Variants in SLC30A4 observed in about 807,000 individuals in gnomAD.
SLC30A4 encodes probable proton-coupled zinc antiporter SLC30A4.
In SLC30A4, 20 loss-of-function variants were observed where a neutral mutation model predicts 41.7. The ratio of observed to expected loss-of-function variants is 0.48; its 90% CI spans 0.34 to 0.70. The LOEUF is 0.70. Ranked by LOEUF, SLC30A4 falls within the 30% of genes least tolerant of loss-of-function variation. The pLI, the probability that SLC30A4 is intolerant of heterozygous loss-of-function variation, is 0.01. For synonymous variants in SLC30A4, 181 were observed against 195.9 expected, an observed-to-expected ratio of 0.92 and a Z score of 0.64; for missense variants, 441 against 529.3, an observed-to-expected ratio of 0.83 and a Z score of 1.64.
At chr15:45,521,858 C>T in intron 2 of SLC30A4, 106 bp downstream of exon 2, 1 of 1,200,296 alleles carries the variant, frequency 8.3e-7, no homozygotes, top group Non-Finnish European at 1.2e-6. Flanking sequence ...TTGATAAATA[C>T]AAACTTCCTG....
chr15:45,507,478 G>A (rs149264929), intron 3 of SLC30A4, among the ~76,000 whole-genome samples: 1 of 150,162 alleles, frequency 6.7e-6, no homozygotes, highest in Admixed American at 6.7e-5. Flanking sequence ...CTTTTCTCCT[G>A]GTTCTGTTCT....
Position 45,487,597 on chromosome 15 carries a change from G to A in SLC30A4, c.930C>T (p.Tyr310=), listed in dbSNP as rs1392377170. The change falls in exon 6 of 8, where the codon TAC becomes TAT. Residue 310 remains tyrosine (Y), a synonymous_variant. Transcript: ENST00000261867. ...TAAAAGCCACAAGTAATGAAAATAC[G>A]TATGTACAGATGGGGTCAGCAATCT... is the stretch of plus-strand genomic sequence containing the variant. ...EYKIADPICT[Y]VFSLLVAFTT... is the part of the protein sequence containing the mutation. 10 of 1,579,874 alleles carry A rather than the reference G, an allele frequency of 6.3e-6. No individual in the cohort carries two copies. The highest frequency in any genetic ancestry group is 4.1e-5 in the African/African-American group (3 of 73,906).
At chr15:45,504,225 T>A (rs1892101769) in intron 3 of SLC30A4, among the ~76,000 whole-genome samples, 1 of 152,264 alleles carries the variant, frequency 6.6e-6, no homozygotes, top group African/African-American at 2.4e-5. Flanking sequence ...ACAACATCAC[T>A]GTTTTACCAT....
chr15:45,510,317 T>G (rs1233876866), intron 3 of SLC30A4, among the ~76,000 whole-genome samples: 1 of 151,934 alleles, frequency 6.6e-6, no homozygotes. Context: ...AAATCTACAG[T>G]CTAAGTTTTT....
intron 3 of SLC30A4, among the ~76,000 whole-genome samples, chr15:45,498,194 G>A (rs2140826737): frequency 6.6e-6 from 1 of 152,218 alleles, no homozygotes; most frequent in Admixed American, 6.5e-5. Flanking sequence ...GGGAAGGAGA[G>A]TGGAGCTATA....
At chr15:45,511,051 C>T (rs915794640) in intron 3 of SLC30A4, 87 bp downstream of exon 3, 17 of 1,019,808 alleles carry the variant, frequency 1.7e-5, no homozygotes, top group Non-Finnish European at 1.7e-5. Flanking sequence ...CAAGATATCA[C>T]TGGAACGAGT....
rs1291519620 is a variant in SLC30A4 at position 45,522,419 on chromosome 15, T to C, written c.-65A>G. Reference sequence around the variant, plus strand: ...GAGGCGGACGGCCGGCGGCGCCTACTTCACCGGAGCGCCAGTTCTCGAGGG... The same window carrying C: ...GAGGCGGACGGCCGGCGGCGCCTACCTCACCGGAGCGCCAGTTCTCGAGGG... On this transcript the variant is annotated 5_prime_UTR_variant, in exon 2 of 8. Transcript: ENST00000261867. 9 of 1,473,348 alleles carry C rather than the reference T, an allele frequency of 6.1e-6. No homozygotes were observed. Among genetic ancestry groups the C allele is most frequent in the South Asian group, 1.3e-5 (1 of 74,202 alleles). 91.3% of individuals were successfully genotyped at this position (1,473,348 alleles called of 1,614,324 possible). A position where few individuals can be genotyped will look rare whatever the true frequency, so the allele number is the denominator to read the frequency against.
chr15:45,498,425 A>ATTTTGCCCCT lies in SLC30A4; in HGVS notation c.539-7545_539-7544insAGGGGCAAAA, dbSNP rs1244392786. ...TATGATGCTCAAAGGGGCATTTCAG[A>ATTTTGCCCCT]TTTTGGATTAAGGATGCTCAACCTG... On this transcript the variant is annotated intron_variant, in intron 3 of 7. Transcript: ENST00000261867. Among the ~76,000 whole-genome samples, 15 of 152,276 alleles carry ATTTTGCCCCT rather than the reference A, an allele frequency of 9.9e-5. 1 individual carries two copies. The highest frequency in any genetic ancestry group is 2.9e-4 in the African/African-American group (12 of 41,570).
intron 2 of SLC30A4, chr15:45,515,800 A>G (rs549074852): frequency 1.4e-5 from 2 of 147,450 alleles, no homozygotes; most frequent in African/African-American, 5.0e-5. Flanking sequence ...CAGGCTGGAG[A>G]GCAATTGCAC....
intron 3 of SLC30A4, among the ~76,000 whole-genome samples, chr15:45,500,068 GTTAT>G (rs1397125303): frequency 2.6e-5 from 4 of 152,294 alleles, no homozygotes; most frequent in Non-Finnish European, 5.9e-5. Flanking sequence ...TTGAAAAACT[GTTAT>G]TTAATCATCA....
Position 45,488,885 on chromosome 15 carries a change from G to A in SLC30A4, c.850C>T (p.Gln284Ter). ...AFVHALGDLVQSVGVLIAAYI... is the reference protein window; with the variant it reads ...AFVHALGDLV ...GCAGCTATTAGCACACCAACACTCT[G>A]TACCAAATCTCCCAAAGCATGTACA... is the stretch of plus-strand genomic sequence containing the variant. Residue 284 changes from glutamine to a stop codon, truncating the protein, a stop_gained, in exon 5 of 8, where the codon CAG (glutamine) becomes TAG (stop). Transcript: ENST00000261867. LOFTEE classifies it high-confidence loss of function. 1 of 1,613,996 alleles carries A rather than the reference G, an allele frequency of 6.2e-7. No homozygotes were observed. Among genetic ancestry groups the A allele is most frequent in the Non-Finnish European group, 8.5e-7 (1 of 1,179,972 alleles).
Position 45,485,095 on chromosome 15 carries a change from T to C in SLC30A4, c.*68A>G, listed in dbSNP as rs539591897. 1.6e-6 allele frequency: 2 copies of C among 1,271,054 alleles called. No individual in the cohort carries two copies. The highest frequency in any genetic ancestry group is 3.0e-5 in the African/African-American group (2 of 65,938). The allele number at this position is 1,271,054 out of a possible 1,614,324, so 78.7% of individuals were successfully genotyped here. A position where few individuals can be genotyped will look rare whatever the true frequency, so the allele number is the denominator to read the frequency against. On this transcript the variant is annotated 3_prime_UTR_variant, in exon 8 of 8. Coordinates refer to ENST00000261867, the MANE Select transcript of SLC30A4 (RefSeq NM_013309.6). ...AGGGATTCCATTTTCTCATTTAGGT[T>C]TGCATTTATTGCTCTCAAGTCTGTG...
At chr15:45,490,939 C>T in intron 3 of SLC30A4, 58 bp from the exon 4 acceptor site, 1 of 1,136,398 alleles carries the variant, frequency 8.8e-7, no homozygotes, top group Non-Finnish European at 1.2e-6. Flanking sequence ...ACACTTCATA[C>T]CAACTAAATA....
chr15:45,488,232 G>A (rs1363333526), intron 5 of SLC30A4, among the ~76,000 whole-genome samples: 2 of 152,124 alleles, frequency 1.3e-5, no homozygotes, highest in Non-Finnish European at 2.9e-5. Flanking sequence ...TGGATTTTCA[G>A]TCCAGTGCAC....
intron 2 of SLC30A4, among the ~76,000 whole-genome samples, chr15:45,516,298 G>A (rs181402412): frequency 8.8e-4 from 134 of 152,238 alleles, no homozygotes; most frequent in African/African-American, 3.0e-3. Context: ...ATGGTCCCTG[G>A]ATCAGTAGTG....
At position 45,485,106 on chromosome 15, in the gene SLC30A4, G is replaced by T; in HGVS notation, c.*57C>A. On this transcript the variant is annotated 3_prime_UTR_variant, in exon 8 of 8. Coordinates refer to ENST00000261867, the MANE Select transcript of SLC30A4 (RefSeq NM_013309.6). ...TTTCTCATTTAGGTTTGCATTTATTGCTCTCAAGTCTGTGACTGCAGGATA... is the reference window on the plus strand; with the variant it reads ...TTTCTCATTTAGGTTTGCATTTATTTCTCTCAAGTCTGTGACTGCAGGATA... 1 of 1,391,588 alleles carries T rather than the reference G, an allele frequency of 7.2e-7. No individual in the cohort carries two copies. Among genetic ancestry groups the T allele is most frequent in the Non-Finnish European group, 1.0e-6 (1 of 995,616 alleles). 86.2% of individuals were successfully genotyped at this position (1,391,588 alleles called of 1,614,324 possible). A position where few individuals can be genotyped will look rare whatever the true frequency, so the allele number is the denominator to read the frequency against.
rs1891586457 is a variant in SLC30A4 at position 45,480,451 on chromosome 15, G to A, written c.*4712C>T. 1 of 152,338 alleles carries A rather than the reference G, an allele frequency of 6.6e-6. No individual in the cohort carries two copies. The highest frequency in any genetic ancestry group is 2.4e-5 in the African/African-American group (1 of 41,590). 9.4% of individuals were successfully genotyped at this position (152,338 alleles called of 1,614,324 possible). A position where few individuals can be genotyped will look rare whatever the true frequency, so the allele number is the denominator to read the frequency against. On this transcript the variant is annotated 3_prime_UTR_variant, in exon 8 of 8. Transcript: ENST00000261867. ...TTGCAAATTGTATTTTGGCTACAAA[G>A]ATATTAAACTTTATCAATTATTCGA...
intron 2 of SLC30A4, 78 bp downstream of exon 2, chr15:45,521,886 T>C: frequency 6.9e-7 from 1 of 1,458,924 alleles, no homozygotes; most frequent in Non-Finnish European, 9.4e-7. Flanking sequence ...GGGTTAAACC[T>C]CAAAGCCTGT....
chr15:45,494,675 G>C (rs575002117), intron 3 of SLC30A4, among the ~76,000 whole-genome samples: 5 of 151,452 alleles, frequency 3.3e-5, no homozygotes, highest in African/African-American at 1.2e-4. Context: ...GTGGCAGAGC[G>C]AGACTCTGTC....
Sources: allele counts gnomAD v4.1 joint callset (sites outside exome capture counted in the v4.1 genomes callset), GRCh38; gene constraint gnomAD v4.1.1; transcripts MANE v1.5; gene names NCBI Gene and HGNC (gene_info 2026-07-23, HGNC 2026-07-21).